Variants in SBNO1 observed in about 807,000 individuals in gnomAD.
SBNO1 encodes protein strawberry notch homolog 1.
SBNO1 carries 23 observed loss-of-function variants against 173.6 expected under a neutral mutation model. That is an observed-to-expected ratio of 0.13 (90% CI 0.10 to 0.19). The LOEUF is 0.19. Among genes scored for constraint, SBNO1 ranks in the 10% least tolerant of loss-of-function variants. SBNO1 has a pLI of 1.00. For missense variants in SBNO1, 1,238 were observed against 1,671.2 expected, an observed-to-expected ratio of 0.74 and a Z score of 4.52; for synonymous variants, 632 against 571.5, an observed-to-expected ratio of 1.11 and a Z score of -1.51.
At chr12:123,328,471 A>T (rs1405914862) in intron 10 of SBNO1, among the ~76,000 whole-genome samples, 1 of 152,174 alleles carries the variant, frequency 6.6e-6, no homozygotes, top group Non-Finnish European at 1.5e-5. Context: ...TAAATATGCA[A>T]TGTTAATCCT....
intron 23 of SBNO1, among the ~76,000 whole-genome samples, chr12:123,314,866 G>A (rs1425679640): frequency 6.6e-6 from 1 of 151,784 alleles, no homozygotes; most frequent in Admixed American, 6.6e-5. Context: ...TATATTCTGG[G>A]ATTATAGGTG....
intron 3 of SBNO1, among the ~76,000 whole-genome samples, chr12:123,346,425 G>A (rs564475812): frequency 2.6e-5 from 4 of 152,312 alleles, no homozygotes; most frequent in Non-Finnish European, 5.9e-5. Context: ...AGCACTTTGG[G>A]AGGCTGAGGC....
Position 123,295,604 on chromosome 12 carries a change from C to T in SBNO1, c.*304G>A. 1 of 285,442 alleles carries T rather than the reference C, an allele frequency of 3.5e-6. No homozygotes were observed. Among genetic ancestry groups the T allele is most frequent in the Non-Finnish European group, 6.7e-6 (1 of 148,832 alleles). The allele number at this position is 285,442 out of a possible 1,614,324, so 17.7% of individuals were successfully genotyped here. On this transcript the variant is annotated 3_prime_UTR_variant, in exon 32 of 32. Transcript: ENST00000602398. Reference sequence around the variant, plus strand: ...ATTTTAAACCAACTGTGGTCTGTAGCCTTTAACACACTCACAAACAGACTG... The same window carrying T: ...ATTTTAAACCAACTGTGGTCTGTAGTCTTTAACACACTCACAAACAGACTG...
rs758721474 is a variant in SBNO1 at position 123,348,181 on chromosome 12, TTC to T, written c.133-50_133-49del. 1.9e-3 allele frequency: 1,991 copies of T among 1,072,122 alleles called. 8 individuals are homozygous for T. Among genetic ancestry groups the T allele is most frequent in the Non-Finnish European group, 1.9e-3 (1,336 of 706,086 alleles). The allele number at this position is 1,072,122 out of a possible 1,614,324, so 66.4% of individuals were successfully genotyped here. The stretch of plus-strand genomic sequence containing the variant: ...CAAAAAATAAAAGGACAGCAGTAAA[TTC>T]TGTTTCAAGGACAAGGTTTGCATTT... On this transcript the variant is annotated intron_variant, in intron 2 of 31. Coordinates refer to ENST00000602398, the MANE Select transcript of SBNO1 (RefSeq NM_001167856.3).
rs372367548 is a variant in SBNO1, at chr12:123,344,538, G to C, written c.550+720C>G. Among the ~76,000 whole-genome samples the C allele has an allele frequency of 6.4e-4, 97 of 152,152 alleles. 1 individual carries two copies. Among genetic ancestry groups the C allele is most frequent in the Middle Eastern group, 6.8e-3 (2 of 292 alleles). On this transcript the variant is annotated intron_variant, in intron 4 of 31. Transcript: ENST00000602398. ...CGCCCATTCTTTTAGAATGCTCTTA[G>C]CCCTCTATTTCATAAAAACACAAGC... is the stretch of plus-strand genomic sequence containing the variant.
At chr12:123,344,009 C>T (rs11057282) in intron 4 of SBNO1, among the ~76,000 whole-genome samples, 3,238 of 152,232 alleles carry the variant, frequency 0.021, 44 homozygotes, top group Non-Finnish European at 0.03. Flanking sequence ...AAATCTATCC[C>T]GTTTTCTGTT....
intron 30 of SBNO1, among the ~76,000 whole-genome samples, chr12:123,300,388 T>C (rs1259186463): frequency 6.6e-6 from 1 of 152,180 alleles, no homozygotes; most frequent in African/African-American, 2.4e-5. Context: ...CCAGGCGCAG[T>C]GGCTCAAGCC....
chr12:123,337,604 T>C (rs1032226610), intron 5 of SBNO1, among the ~76,000 whole-genome samples: 3 of 152,176 alleles, frequency 2.0e-5, no homozygotes, highest in African/African-American at 4.8e-5. Context: ...ATGGAGTCTT[T>C]AGATAAAATC....
intron 29 of SBNO1, among the ~76,000 whole-genome samples, chr12:123,303,922 C>CTTT (rs11413728): frequency 0.023 from 2,292 of 100,394 alleles, 29 homozygotes; most frequent in Non-Finnish European, 0.03. Flanking sequence ...AATAAGTATT[C>CTTT]TTTTTTTTTT....
intron 16 of SBNO1, 60 bp from the exon 17 acceptor site, chr12:123,321,792 C>T: frequency 5.3e-6 from 7 of 1,314,856 alleles, no homozygotes; most frequent in Non-Finnish European, 6.5e-6. Flanking sequence ...AGATCCAGTA[C>T]ATCACATTTA....
Position 123,294,652 on chromosome 12 carries a change from A to AG in SBNO1, c.*1255_*1256insC, listed in dbSNP as rs2048563343. ...GTGGAAGCAAAAAAAAAAAAAAAAA[A>AG]AAAAAAAAAGAAAAAAAGAAAAGAA... On this transcript the variant is annotated 3_prime_UTR_variant, in exon 32 of 32. Coordinates refer to ENST00000602398, the MANE Select transcript of SBNO1 (RefSeq NM_001167856.3). 1 of 161,132 alleles carries AG rather than the reference A, an allele frequency of 6.2e-6. No individual in the cohort carries two copies. The highest frequency in any genetic ancestry group is 2.6e-5 in the African/African-American group (1 of 38,256). The allele number at this position is 161,132 out of a possible 1,614,324, so 10.0% of individuals were successfully genotyped here.
At chr12:123,298,767 T>C (rs1415316109) in intron 30 of SBNO1, among the ~76,000 whole-genome samples, 1 of 152,224 alleles carries the variant, frequency 6.6e-6, no homozygotes, top group Non-Finnish European at 1.5e-5. Flanking sequence ...TAATATCCAT[T>C]ATTTTACTGC....
At chr12:123,301,955 T>TA (rs1237234533) in intron 30 of SBNO1, among the ~76,000 whole-genome samples, 1 of 152,068 alleles carries the variant, frequency 6.6e-6, no homozygotes, top group Non-Finnish European at 1.5e-5. Flanking sequence ...GTTTTTTTTT[T>TA]TAAGAGACAG....
chr12:123,351,500 G>A (rs1158165209), intron 1 of SBNO1, among the ~76,000 whole-genome samples: 12 of 152,108 alleles, frequency 7.9e-5, no homozygotes, highest in East Asian at 5.8e-4. Flanking sequence ...GGTGGTGCAC[G>A]CCTGTAGTCC....
chr12:123,325,042 CT>C (rs968445352), intron 15 of SBNO1, among the ~76,000 whole-genome samples: 5 of 152,098 alleles, frequency 3.3e-5, no homozygotes, highest in African/African-American at 1.2e-4. Context: ...AACTACTGAC[CT>C]CAAGTGATGT....
intron 1 of SBNO1, among the ~76,000 whole-genome samples, chr12:123,358,692 A>G (rs10773016): frequency 0.95 from 136,211 of 142,954 alleles, 65,023 homozygotes; most frequent in Non-Finnish European, 0.96. Flanking sequence ...GCAGTGAGCC[A>G]AGATCGCGCC....
rs1034494376 is a variant in SBNO1, at chr12:123,330,478, C to T, written c.1075G>A (p.Ala359Thr). 6.2e-6 allele frequency: 10 copies of T among 1,603,744 alleles called. No homozygotes were observed. Among genetic ancestry groups the T allele is most frequent in the Non-Finnish European group, 8.5e-6 (10 of 1,175,348 alleles). The change falls in exon 9 of 32, where the codon GCT becomes ACT. Residue 359 changes from alanine to threonine, a missense_variant. Ala to Thr is a moderately conservative substitution (Grantham distance 58). Around this residue, in one of 14 missense-constraint regions of SBNO1, gnomAD observed 56 missense variants for 65.1 expected, o/e 0.86. Transcript: ENST00000602398. ...FSVSNDLKYD[A>T]ERDLRDIGAK... The stretch of plus-strand genomic sequence containing the variant: ...CCAATATCCCTTAAATCTCTTTCAG[C>T]ATCATACTTTAAGTCATTTGAAACA...
At chr12:123,364,072 G>A in intron 1 of SBNO1, 1 of 985,386 alleles carries the variant, frequency 1.0e-6, no homozygotes, top group Non-Finnish European at 1.2e-6. Flanking sequence ...AGGTGAGCTC[G>A]CCCGCCGAGG....
intron 29 of SBNO1, among the ~76,000 whole-genome samples, chr12:123,303,515 G>A (rs921518147): frequency 6.6e-6 from 1 of 152,110 alleles, no homozygotes; most frequent in Admixed American, 6.6e-5. Flanking sequence ...CCAGGTGTGT[G>A]GCACATGCCT....
Sources: gnomAD v4.1 joint callset for allele counts (sites outside exome capture counted in the v4.1 genomes callset) on GRCh38, gnomAD v4.1.1 for gene constraint, gnomAD v4.1.1 regional missense constraint, MANE v1.5 for transcripts, NCBI Gene and HGNC (gene_info 2026-07-23, HGNC 2026-07-21) for gene names.